Variants in MAP2K6 observed in about 807,000 individuals in gnomAD.
The protein encoded by MAP2K6 is mitogen-activated protein kinase kinase 6, also known as dual specificity mitogen-activated protein kinase kinase 6.
A neutral mutation model predicts 53.7 loss-of-function variants in MAP2K6; 16 were observed. That is an observed-to-expected ratio of 0.30 (90% CI 0.20 to 0.45). The LOEUF is 0.45. MAP2K6 is among the 20% of genes least tolerant of loss of function. MAP2K6 has a pLI of 1.00. For synonymous variants in MAP2K6, 132 were observed against 143.1 expected, an observed-to-expected ratio of 0.92 and a Z score of 0.55; for missense variants, 204 against 411.9, an observed-to-expected ratio of 0.50 and a Z score of 4.37.
intron 4 of MAP2K6, among the ~76,000 whole-genome samples, chr17:69,518,675 T>G (rs149612143): frequency 9.1e-4 from 138 of 152,352 alleles, no homozygotes; most frequent in African/African-American, 3.1e-3. Flanking sequence ...TTGTAGATTT[T>G]TCAGTCTGTT....
rs1278306651 is a variant in MAP2K6, at chr17:69,547,730, C to G, written c.*5977C>G. ...GCTGATAGAACAATTTTCTTCAGAT[C>G]AAACTGAAGTACTTACTTTTTCCAT... On this transcript the variant is annotated 3_prime_UTR_variant, in exon 12 of 12. Transcript: ENST00000590474. 1 of 152,232 alleles carries G rather than the reference C, an allele frequency of 6.6e-6. No homozygotes were observed. Among genetic ancestry groups the G allele is most frequent in the East Asian group, 1.9e-4 (1 of 5,198 alleles). 9.4% of individuals were successfully genotyped at this position (152,232 alleles called of 1,614,324 possible).
At chr17:69,415,492 A>G (rs1905869884) in intron 1 of MAP2K6, among the ~76,000 whole-genome samples, 1 of 152,224 alleles carries the variant, frequency 6.6e-6, no homozygotes, top group Admixed American at 6.5e-5. Flanking sequence ...GTATTTAGCT[A>G]AATTTCCATT....
At chr17:69,418,843 T>A (rs1473370195) in intron 1 of MAP2K6, among the ~76,000 whole-genome samples, 1 of 151,336 alleles carries the variant, frequency 6.6e-6, no homozygotes, top group African/African-American at 2.4e-5. Context: ...TCCATTCTCT[T>A]TTCTTCCTTC....
chr17:69,460,796 C>T (rs1438805219), intron 1 of MAP2K6, among the ~76,000 whole-genome samples: 3 of 152,062 alleles, frequency 2.0e-5, no homozygotes, highest in East Asian at 3.9e-4. Context: ...GAGGGGGTGT[C>T]CCCATGTTAC....
intron 8 of MAP2K6, among the ~76,000 whole-genome samples, chr17:69,523,993 C>T (rs1910631250): frequency 6.6e-6 from 1 of 152,130 alleles, no homozygotes; most frequent in South Asian, 2.1e-4. Context: ...ATAGCACCTT[C>T]CTGCTTAGTC....
intron 8 of MAP2K6, among the ~76,000 whole-genome samples, chr17:69,524,229 G>GA (rs1297064725): frequency 6.6e-6 from 1 of 151,892 alleles, no homozygotes; most frequent in East Asian, 1.9e-4. Context: ...TACGTTATTT[G>GA]AAAAAATATA....
In MAP2K6 at chr17:69,519,401, C is replaced by T. The variant is rs746347515; in HGVS notation, c.335C>T (p.Thr112Ile). Residue 112 changes from threonine to isoleucine, a missense_variant, in exon 5 of 12, where the codon ACT becomes ATT. Transcript: ENST00000590474. ...ATGAGGACGGTGGACTGTCCATTCACTGTCACCTTTTATGGCGCACTGTTT... is the reference window on the plus strand; with the variant it reads ...ATGAGGACGGTGGACTGTCCATTCATTGTCACCTTTTATGGCGCACTGTTT... ...ISMRTVDCPF[T>I]VTFYGALFRE... is the part of the protein sequence containing the mutation. 1.9e-6 allele frequency: 3 copies of T among 1,614,076 alleles called. No individual in the cohort carries two copies. Among genetic ancestry groups the T allele is most frequent in the Non-Finnish European group, 1.7e-6 (2 of 1,179,998 alleles).
At chr17:69,469,232 A>G (rs1907909013) in intron 1 of MAP2K6, among the ~76,000 whole-genome samples, 1 of 152,188 alleles carries the variant, frequency 6.6e-6, no homozygotes, top group South Asian at 2.1e-4. Context: ...AGTTCTTCTC[A>G]CATTGCATCT....
At position 69,541,869 on chromosome 17, in the gene MAP2K6, A is replaced by G. The variant is rs1044980950; in HGVS notation, c.*116A>G. The G allele has an allele frequency of 4.1e-6, 3 of 740,654 alleles. No homozygotes were observed. The highest frequency in any genetic ancestry group is 6.7e-6 in the Non-Finnish European group (3 of 450,904). The allele number at this position is 740,654 out of a possible 1,614,324, so 45.9% of individuals were successfully genotyped here. On this transcript the variant is annotated 3_prime_UTR_variant, in exon 12 of 12. Transcript: ENST00000590474. ...TTGAGATAATTTAACCCTGCCTCTC[A>G]GAGGGTTTTCTCTCCCAATTTTCTT...
chr17:69,497,727 A>G (rs1909002433), intron 1 of MAP2K6, among the ~76,000 whole-genome samples: 1 of 152,200 alleles, frequency 6.6e-6, no homozygotes, highest in African/African-American at 2.4e-5. Context: ...AATATACCAC[A>G]GTGCTTCTCC....
rs1445840018 is a variant in MAP2K6, at chr17:69,500,495, G to A, written c.17-5285G>A. On this transcript the variant is annotated intron_variant, in intron 1 of 11. Coordinates refer to ENST00000590474, the MANE Select transcript of MAP2K6 (RefSeq NM_002758.4). ...AAAAAGGCCGGCCATGGTGGCTCAC[G>A]CCTATAATCCCAGCACTTTGGGAGG... Among the ~76,000 whole-genome samples, 4 of 133,752 alleles carry A rather than the reference G, an allele frequency of 3.0e-5. No individual in the cohort carries two copies. In the East Asian group the frequency reaches 7.2e-4, roughly 24 times the overall value. The allele number at this position is 133,752 out of a possible 152,430, so 87.7% of individuals were successfully genotyped here.
At chr17:69,514,057 C>T (rs1910012667) in intron 2 of MAP2K6, among the ~76,000 whole-genome samples, 1 of 151,098 alleles carries the variant, frequency 6.6e-6, no homozygotes, top group Non-Finnish European at 1.5e-5. Context: ...TGCAGTGAGC[C>T]GAGATCGTGC....
At chr17:69,421,716 T>C (rs1906087464) in intron 1 of MAP2K6, among the ~76,000 whole-genome samples, 2 of 152,050 alleles carry the variant, frequency 1.3e-5, no homozygotes, top group African/African-American at 4.8e-5. Flanking sequence ...TAATTTTTTT[T>C]GTATTTTTAG....
chr17:69,476,343 G>A (rs530209925), intron 1 of MAP2K6, among the ~76,000 whole-genome samples: 43 of 152,240 alleles, frequency 2.8e-4, no homozygotes, highest in African/African-American at 9.4e-4. Flanking sequence ...AAGCTACCTT[G>A]CAGAAATTCC....
intron 1 of MAP2K6, chr17:69,504,723 G>A (rs1407097650): frequency 1.3e-5 from 2 of 154,336 alleles, no homozygotes; most frequent in Non-Finnish European, 2.9e-5. Flanking sequence ...TTCTCAGTCT[G>A]TTCTTTTTTA....
In MAP2K6 at chr17:69,552,886, A is replaced by G. The variant is rs1026549240; in HGVS notation, c.*11133A>G. 4 of 152,106 alleles carry G rather than the reference A, an allele frequency of 2.6e-5. No individual in the cohort carries two copies. The highest frequency in any genetic ancestry group is 6.5e-5 in the Admixed American group (1 of 15,278). 9.4% of individuals were successfully genotyped at this position (152,106 alleles called of 1,614,324 possible). ...TTTGAACTATTGTTTATCATTATTAATGATGTTATCTCCAAATCCCAAAGC... is the reference window on the plus strand; with the variant it reads ...TTTGAACTATTGTTTATCATTATTAGTGATGTTATCTCCAAATCCCAAAGC... On this transcript the variant is annotated 3_prime_UTR_variant, in exon 12 of 12. Coordinates refer to ENST00000590474, the MANE Select transcript of MAP2K6 (RefSeq NM_002758.4).
rs1911776541 is a variant in MAP2K6, at chr17:69,543,965, A to G, written c.*2212A>G. On this transcript the variant is annotated 3_prime_UTR_variant, in exon 12 of 12. Transcript: ENST00000590474. ...CACTGTCGCTGCCAATGTTCCAGCCACCAGAGATTTGGATTTAACTGGTGG... is the reference window on the plus strand; with the variant it reads ...CACTGTCGCTGCCAATGTTCCAGCCGCCAGAGATTTGGATTTAACTGGTGG... The G allele has an allele frequency of 6.6e-6, 1 of 152,208 alleles. No homozygotes were observed. The highest frequency in any genetic ancestry group is 2.4e-5 in the African/African-American group (1 of 41,460). The allele number at this position is 152,208 out of a possible 1,614,324, so 9.4% of individuals were successfully genotyped here.
intron 1 of MAP2K6, among the ~76,000 whole-genome samples, chr17:69,481,124 C>G (rs909001370): frequency 6.6e-6 from 1 of 152,166 alleles, no homozygotes; most frequent in Non-Finnish European, 1.5e-5. Context: ...AATCCACACT[C>G]ATTAAAGAGT....
chr17:69,492,206 T>G (rs558157065), intron 1 of MAP2K6, among the ~76,000 whole-genome samples: 2 of 152,358 alleles, frequency 1.3e-5, no homozygotes, highest in South Asian at 4.1e-4. Flanking sequence ...TTTTGGCATC[T>G]TCATTATGAA....
Sources: allele counts gnomAD v4.1 joint callset (sites outside exome capture counted in the v4.1 genomes callset), GRCh38; gene constraint gnomAD v4.1.1; transcripts MANE v1.5; gene names NCBI Gene and HGNC (gene_info 2026-07-23, HGNC 2026-07-21).